The following UBE2J2 variants were observed in gnomAD, a reference collection of about 807,000 sequenced individuals.
The protein encoded by UBE2J2 is ubiquitin-conjugating enzyme E2 J2.
A neutral mutation model predicts 28.6 loss-of-function variants in UBE2J2; 5 were observed. The observed-to-expected ratio is 0.17, with a 90% CI of 0.09 to 0.37. The LOEUF is 0.37. UBE2J2 is among the 10% of genes least tolerant of loss of function. The pLI is 1.00. For missense variants in UBE2J2, 226 were observed against 338.9 expected (o/e 0.67, Z 2.62); for synonymous variants, 138 against 139.7 (o/e 0.99, Z 0.09).
chr1:1,265,866 C>T (rs1235802800), intron 2 of UBE2J2, among the ~76,000 whole-genome samples: 1 of 152,092 alleles, frequency 6.6e-6, no homozygotes, highest in African/African-American at 2.4e-5. Context: ...ATCTCCTGAC[C>T]TTGTGATCCA....
chr1:1,266,901 A>T (rs574261694), intron 2 of UBE2J2, among the ~76,000 whole-genome samples: 2 of 152,026 alleles, frequency 1.3e-5, no homozygotes, highest in South Asian at 4.2e-4. Context: ...ATTTTATTTT[A>T]TTTTGAGACA....
chr1:1,272,149 CAAAA>C (rs796701172), intron 1 of UBE2J2, among the ~76,000 whole-genome samples: 1 of 144,500 alleles, frequency 6.9e-6, no homozygotes, highest in South Asian at 2.2e-4. Flanking sequence ...GACCCTGTAT[CAAAA>C]AAAAAAAATT....
intron 1 of UBE2J2, among the ~76,000 whole-genome samples, chr1:1,270,051 A>C (rs1640068228): frequency 6.6e-6 from 1 of 152,194 alleles, no homozygotes; most frequent in South Asian, 2.1e-4. Context: ...CTGATGGTTT[A>C]TAAGGCAGTG....
chr1:1,270,778 C>T (rs111603164), intron 1 of UBE2J2, among the ~76,000 whole-genome samples: 1,624 of 151,414 alleles, frequency 0.011, 19 homozygotes, highest in African/African-American at 0.016. Context: ...AACATCAACA[C>T]GTCCTCTTGC....
chr1:1,265,793 C>A (rs185014502), intron 2 of UBE2J2, among the ~76,000 whole-genome samples: 2 of 152,176 alleles, frequency 1.3e-5, no homozygotes, highest in Non-Finnish European at 2.9e-5. Flanking sequence ...CGCCACCATA[C>A]CGGGCTAATT....
chr1:1,259,074 C>G (rs545060863), intron 3 of UBE2J2, among the ~76,000 whole-genome samples: 1 of 141,476 alleles, frequency 7.1e-6, no homozygotes, highest in South Asian at 2.3e-4. Flanking sequence ...TGTGTGTGTG[C>G]ATGCCATCAG....
intron 2 of UBE2J2, 75 bp from the exon 3 acceptor site, chr1:1,263,461 G>T: frequency 1.4e-6 from 2 of 1,388,610 alleles, no homozygotes; most frequent in Admixed American, 1.7e-5. Flanking sequence ...CCAAGCCTGG[G>T]GTTTATAGAA....
chr1:1,271,908 A>T lies in UBE2J2; in HGVS notation c.-1+1758T>A, dbSNP rs1640162941. ...AGAATCACTTGAATCCAGGAGGTGGAGGCTGTGGTGGGCCAAGATCAAGCC... is the reference window on the plus strand; with the variant it reads ...AGAATCACTTGAATCCAGGAGGTGGTGGCTGTGGTGGGCCAAGATCAAGCC... On this transcript the variant is annotated intron_variant, in intron 1 of 6. Transcript: ENST00000349431. Among the ~76,000 whole-genome samples the T allele has an allele frequency of 2.2e-5, 3 of 136,362 alleles. No individual in the cohort carries two copies. In the South Asian group the frequency reaches 7.3e-4, roughly 33 times the overall value. 89.5% of individuals were successfully genotyped at this position (136,362 alleles called of 152,430 possible). A position where few individuals can be genotyped will look rare whatever the true frequency, so the allele number is the denominator to read the frequency against.
chr1:1,255,990 G>A lies in UBE2J2; in HGVS notation c.495+55C>T, dbSNP rs549297656. 101 of 1,255,284 alleles carry A rather than the reference G, an allele frequency of 8.0e-5. 1 individual carries two copies. The highest frequency in any genetic ancestry group is 1.1e-4 in the Non-Finnish European group (98 of 855,274). 77.8% of individuals were successfully genotyped at this position (1,255,284 alleles called of 1,614,324 possible). On this transcript the variant is annotated intron_variant, in intron 6 of 6. Transcript: ENST00000349431. ...CAGATTTTACTCTTTGGAAAGAGGT[G>A]AAACTCAAGTGTTTTAACGCAGGGG...
rs1209353308 is a variant in UBE2J2, at chr1:1,257,190, C to T, written c.275+18G>A. 6.2e-6 allele frequency: 10 copies of T among 1,602,660 alleles called. No individual in the cohort carries two copies. The highest frequency in any genetic ancestry group is 8.5e-6 in the Non-Finnish European group (10 of 1,172,370). On this transcript the variant is annotated intron_variant, in intron 4 of 6. Transcript: ENST00000349431. ...CACCGCAGCCAGAAAGCCTCCGCGG[C>T]CCCTCCAGGCACCTTACCTGGTGTT...
At chr1:1,260,976 C>G (rs956939429) in intron 3 of UBE2J2, among the ~76,000 whole-genome samples, 1 of 152,182 alleles carries the variant, frequency 6.6e-6, no homozygotes, top group African/African-American at 2.4e-5. Context: ...CTGGGCAGCA[C>G]CAGGGGCAGA....
At chr1:1,263,603 CTATACTT>C in intron 2 of UBE2J2, 1 of 496,498 alleles carries the variant, frequency 2.0e-6, no homozygotes, top group Non-Finnish European at 3.7e-6. Context: ...ATCTTAGAGA[CTATACTT>C]TATAAGTTTA....
chr1:1,256,175 C>T, intron 5 of UBE2J2, 50 bp from the exon 6 acceptor site: 1 of 1,379,704 alleles, frequency 7.2e-7, no homozygotes. Context: ...TCAATTCTTT[C>T]AAGATTCTAA....
At chr1:1,258,585 C>T (rs1299867361) in intron 3 of UBE2J2, among the ~76,000 whole-genome samples, 2 of 152,222 alleles carry the variant, frequency 1.3e-5, no homozygotes, top group Admixed American at 1.3e-4. Context: ...GCCACTTCCC[C>T]CACCCTGCAC....
In UBE2J2 at chr1:1,266,033, C is replaced by G. The variant is rs2101079504; in HGVS notation, c.131+1829G>C. On this transcript the variant is annotated intron_variant, in intron 2 of 6. Coordinates refer to ENST00000349431, the MANE Select transcript of UBE2J2 (RefSeq NM_058167.3). ...CACAGATTTGTGGGGAGGGATTTCCCCACACAATGAAGACGTCCTCGCAAC... is the reference window on the plus strand; with the variant it reads ...CACAGATTTGTGGGGAGGGATTTCCGCACACAATGAAGACGTCCTCGCAAC... 2.3e-6 allele frequency: 3 copies of G among 1,298,822 alleles called. No individual in the cohort carries two copies. The Admixed American group carries it at 7.0e-5, about 30-fold the overall frequency. 80.5% of individuals were successfully genotyped at this position (1,298,822 alleles called of 1,614,324 possible).
intron 2 of UBE2J2, chr1:1,266,026 G>C (rs1639839806): frequency 4.6e-6 from 6 of 1,295,792 alleles, no homozygotes; most frequent in Non-Finnish European, 5.1e-6. Flanking sequence ...TGTGGGGAGG[G>C]ATTTCCCCAC....
chr1:1,262,155 C>A, intron 3 of UBE2J2: 1 of 333,712 alleles, frequency 3.0e-6, no homozygotes, highest in East Asian at 8.9e-5. Context: ...CCGCGCCCGG[C>A]CGACCACTAC....
intron 5 of UBE2J2, chr1:1,256,391 G>A (rs1639175022): frequency 2.5e-6 from 1 of 398,538 alleles, no homozygotes; most frequent in East Asian, 5.7e-5. Context: ...ACAAGGCCCG[G>A]GCCGTCTGTG....
chr1:1,263,712 A>G (rs1185987298), intron 2 of UBE2J2: 1 of 251,132 alleles, frequency 4.0e-6, no homozygotes, highest in African/African-American at 2.2e-5. Context: ...TTCACAGTAC[A>G]TTACTAAGAT....
Sources: gnomAD v4.1 joint callset for allele counts (sites outside exome capture counted in the v4.1 genomes callset) on GRCh38, gnomAD v4.1.1 for gene constraint, MANE v1.5 for transcripts, NCBI Gene and HGNC (gene_info 2026-07-23, HGNC 2026-07-21) for gene names.